MGST2: variants seen among roughly 807,000 people sequenced by gnomAD.
MGST2 encodes the protein microsomal glutathione S-transferase 2.
In MGST2, 9 loss-of-function variants were observed where a neutral mutation model predicts 16.6. The ratio of observed to expected loss-of-function variants is 0.54; its 90% CI spans 0.33 to 0.95. The LOEUF is 0.95. MGST2 is among the 40% of genes least tolerant of loss of function. The probability of loss-of-function intolerance (pLI) is 0.03; values close to 1 mark genes in which losing one functional copy is unlikely to be tolerated. For missense variants in MGST2, 159 were observed against 175.1 expected, an observed-to-expected ratio of 0.91 and a Z score of 0.52; for synonymous variants, 79 against 68.0, an observed-to-expected ratio of 1.16 and a Z score of -0.79.
chr4:139,685,419 C>A, intron 2 of MGST2: 1 of 155,958 alleles, frequency 6.4e-6, no homozygotes. Context: ...CCAGATTACC[C>A]TCACTTCCTC....
chr4:139,694,335 A>G (rs1036494778), intron 2 of MGST2, among the ~76,000 whole-genome samples: 9 of 151,996 alleles, frequency 5.9e-5, no homozygotes, highest in African/African-American at 1.7e-4. Context: ...AAGGAAAGAT[A>G]TGGGGTCATT....
rs72945065 is a variant in MGST2, at chr4:139,669,569, A to G, written c.58+3492A>G. Among the ~76,000 whole-genome samples the G allele has an allele frequency of 9.9e-3, 1,503 of 151,528 alleles. 17 individuals are homozygous for G. Among genetic ancestry groups the G allele is most frequent in the South Asian group, 0.032 (155 of 4,826 alleles). On this transcript the variant is annotated intron_variant, in intron 1 of 4. Coordinates refer to ENST00000265498, the MANE Select transcript of MGST2 (RefSeq NM_002413.5). ...GCTCAGCACTGTCAGTTCCCATCCTAAGGTCCTTCTTCGAAGAGAGAAGTT... is the reference window on the plus strand; with the variant it reads ...GCTCAGCACTGTCAGTTCCCATCCTGAGGTCCTTCTTCGAAGAGAGAAGTT...
At chr4:139,695,727 A>C (rs1052933863) in intron 3 of MGST2, among the ~76,000 whole-genome samples, 6 of 152,244 alleles carry the variant, frequency 3.9e-5, no homozygotes, top group African/African-American at 1.4e-4. Flanking sequence ...CAGGTATATG[A>C]ACTTTGGCTT....
intron 3 of MGST2, 60 bp from the exon 4 acceptor site, chr4:139,703,395 A>C: frequency 7.3e-7 from 1 of 1,371,648 alleles, no homozygotes; most frequent in Non-Finnish European, 1.0e-6. Context: ...GTCGTACAAC[A>C]TCTTAAGAGA....
intron 3 of MGST2, among the ~76,000 whole-genome samples, chr4:139,695,720 G>A (rs2646076): frequency 0.39 from 59,104 of 152,090 alleles, 15,643 homozygotes; most frequent in African/African-American, 0.74. Flanking sequence ...TATGTTGCAG[G>A]TATATGAACT....
chr4:139,700,936 C>T (rs1321456549), intron 3 of MGST2, among the ~76,000 whole-genome samples: 3 of 152,156 alleles, frequency 2.0e-5, no homozygotes, highest in African/African-American at 7.2e-5. Flanking sequence ...CAAAGGCAAC[C>T]CCATCACTCT....
rs1305225616 is a variant in MGST2 at position 139,704,112 on chromosome 4, C to A, written c.408C>A (p.Asp136Glu). The A allele has an allele frequency of 6.2e-7, 1 of 1,614,072 alleles. No individual in the cohort carries two copies. Among genetic ancestry groups the A allele is most frequent in the East Asian group, 2.2e-5 (1 of 44,894 alleles). The change falls in exon 5 of 5, where the codon GAC (aspartate) becomes GAA (glutamate). Residue 136 changes from aspartate to glutamate, a missense_variant. By Grantham distance (45) the Asp-to-Glu change is conservative. Coordinates refer to ENST00000265498, the MANE Select transcript of MGST2 (RefSeq NM_002413.5). ...ACAGCTTTCTGGATGAATATCTGGACCTCAATATTGCCAAGAAACTGAGGC... is the reference window on the plus strand; with the variant it reads ...ACAGCTTTCTGGATGAATATCTGGAACTCAATATTGCCAAGAAACTGAGGC... ...IANSFLDEYL[D>E]LNIAKKLRRQ...
At chr4:139,706,685 C>T (rs1042926499), downstream of MGST2, among the ~76,000 whole-genome samples, 2 of 150,764 alleles carry the variant, frequency 1.3e-5, no homozygotes, top group African/African-American at 4.9e-5. Flanking sequence ...CACACACATA[C>T]ACACACACAC....
chr4:139,742,994 C>T (rs1011028076), downstream of MGST2, among the ~76,000 whole-genome samples: 2 of 152,112 alleles, frequency 1.3e-5, no homozygotes, highest in African/African-American at 4.8e-5. Context: ...CAAGTCTGAC[C>T]TCCTTACCAT....
downstream of MGST2, among the ~76,000 whole-genome samples, chr4:139,744,620 T>G (rs1232276994): frequency 6.6e-6 from 1 of 152,220 alleles, no homozygotes; most frequent in African/African-American, 2.4e-5. Context: ...AAACTTTTAT[T>G]GCTCAAGGAG....
Position 139,715,337 on chromosome 4 carries a change from T to C in MGST2, c.*48+11141T>C. On this transcript the variant is annotated intron_variant, in intron 5 of 5. Transcript: ENST00000616265. This position sits in a 1 kb window ranked among gnomAD's most constrained non-coding sequence, Gnocchi z 4.4. ...GTTCTCCAGAAATATGTTAGAGGACTCCAATACTTACCCAAAGGTAGCTGT... is the reference window on the plus strand; with the variant it reads ...GTTCTCCAGAAATATGTTAGAGGACCCCAATACTTACCCAAAGGTAGCTGT... 6.6e-6 allele frequency among the ~76,000 whole-genome samples: 1 copy of C among 152,134 alleles called. No individual in the cohort carries two copies. The highest frequency in any genetic ancestry group is 1.9e-4 in the East Asian group (1 of 5,188).
At chr4:139,679,556 T>C (rs1287088949) in intron 2 of MGST2, among the ~76,000 whole-genome samples, 1 of 152,228 alleles carries the variant, frequency 6.6e-6, no homozygotes, top group African/African-American at 2.4e-5. Flanking sequence ...TTTTAAATTA[T>C]GGGATTTGCA....
chr4:139,719,822 C>T, intron 5 of MGST2: 1 of 1,613,560 alleles, frequency 6.2e-7, no homozygotes, highest in South Asian at 1.1e-5. Context: ...ACTAGTCCTC[C>T]CAGGCATGCC....
chr4:139,713,923 G>A (rs67363244), intron 5 of MGST2, among the ~76,000 whole-genome samples: 42,999 of 152,108 alleles, frequency 0.28, 6,248 homozygotes, highest in Admixed American at 0.36. Flanking sequence ...CCTTTCCCAG[G>A]AAGAGTCTAG....
chr4:139,692,073 C>T lies in MGST2; in HGVS notation c.159-3124C>T, dbSNP rs141399681. Reference sequence around the variant, plus strand: ...ATTTCCAAGGGACTAAGGCTTGAGGCAGGTCAGCAAAAGAGGGACCAGGGT... The same window carrying T: ...ATTTCCAAGGGACTAAGGCTTGAGGTAGGTCAGCAAAAGAGGGACCAGGGT... On this transcript the variant is annotated intron_variant, in intron 2 of 4. Transcript: ENST00000265498. 3.9e-3 allele frequency among the ~76,000 whole-genome samples: 601 copies of T among 152,232 alleles called. 4 individuals carry two copies. Among genetic ancestry groups the T allele is most frequent in the African/African-American group, 0.014 (577 of 41,544 alleles).
the MGST2 span, among the ~76,000 whole-genome samples, chr4:139,749,907 C>T: frequency 7.0e-6 from 1 of 142,786 alleles, no homozygotes; most frequent in Admixed American, 7.4e-5. Context: ...CCTATTCTGC[C>T]AAAAGTGGAA....
chr4:139,680,399 C>T (rs992460859), intron 2 of MGST2, among the ~76,000 whole-genome samples: 1 of 152,230 alleles, frequency 6.6e-6, no homozygotes, highest in Middle Eastern at 3.4e-3. Context: ...AATCTCCTTT[C>T]GTTACATTCA....
At chr4:139,730,439 GC>G (rs1728654883) in intron 5 of MGST2, 16 of 1,531,942 alleles carry the variant, frequency 1.0e-5, no homozygotes, top group African/African-American at 1.4e-5. Flanking sequence ...ATCTGCTGCT[GC>G]TGCTGCTGCT....
In MGST2 at chr4:139,665,998, T is replaced by C. The variant is rs748616844; in HGVS notation, c.-22T>C. 2.9e-5 allele frequency: 46 copies of C among 1,613,904 alleles called. No individual in the cohort carries two copies. In the South Asian group the frequency reaches 4.9e-4, roughly 17 times the overall value. On this transcript the variant is annotated 5_prime_UTR_variant, in exon 1 of 5. Coordinates refer to ENST00000265498, the MANE Select transcript of MGST2 (RefSeq NM_002413.5). ...GCGCCATTTATCTTCCCGTGCGCTC[T>C]ACAAATAGTTCCGTGAGAAAGATGG...
Sources: gnomAD v4.1 joint callset for allele counts (sites outside exome capture counted in the v4.1 genomes callset) on GRCh38, gnomAD v4.1.1 for gene constraint, Gnocchi (gnomAD v3.1) non-coding constraint, MANE v1.5 for transcripts, NCBI Gene and HGNC (gene_info 2026-07-23, HGNC 2026-07-21) for gene names.